BRAF: variants seen among roughly 807,000 people sequenced by gnomAD.
The protein encoded by BRAF is B-Raf proto-oncogene, serine/threonine kinase.
Under a neutral mutation model 104.6 loss-of-function variants are expected in BRAF, and 16 were observed. The observed-to-expected ratio is 0.15, with a 90% CI of 0.10 to 0.23. BRAF has a LOEUF of 0.23. BRAF is among the 10% of genes least tolerant of loss of function. The pLI is 1.00. For missense variants in BRAF, 541 were observed against 937.3 expected, an observed-to-expected ratio of 0.58 and a Z score of 5.52; for synonymous variants, 310 against 341.6, an observed-to-expected ratio of 0.91 and a Z score of 1.02.
At chr7:140,845,171 A>C (rs771841915) in intron 2 of BRAF, among the ~76,000 whole-genome samples, 8 of 152,212 alleles carry the variant, frequency 5.3e-5, no homozygotes, top group Non-Finnish European at 1.5e-5. Flanking sequence ...TCCACAAATG[A>C]TGCTGAGAAA....
chr7:140,815,823 T>G (rs1235366685), intron 3 of BRAF, among the ~76,000 whole-genome samples: 2 of 152,166 alleles, frequency 1.3e-5, no homozygotes, highest in Non-Finnish European at 2.9e-5. Context: ...AGGATGTCTA[T>G]ACCACAAAAA....
rs753210372 is a variant in BRAF, at chr7:140,730,040, CAATAA to C, written c.2402-3529_2402-3525del. On this transcript the variant is annotated intron_variant, in intron 19 of 19. Transcript: ENST00000644969. Reference sequence around the variant, plus strand: ...ATAAAAGAATCCATAGTTCAGGAATCAATAAAATAAGACTCTTAAAATGTCCCTAA... The same window carrying C: ...ATAAAAGAATCCATAGTTCAGGAATCAATAAGACTCTTAAAATGTCCCTAA... Among the ~76,000 whole-genome samples, 32 of 152,090 alleles carry C rather than the reference CAATAA, an allele frequency of 2.1e-4. 1 individual carries two copies. The East Asian group carries it at 3.1e-3, about 15-fold the overall frequency.
intron 3 of BRAF, among the ~76,000 whole-genome samples, chr7:140,820,776 C>CA (rs1194758477): frequency 2.6e-5 from 4 of 152,056 alleles, no homozygotes; most frequent in African/African-American, 7.2e-5. Context: ...CCTACCTCTA[C>CA]AAAAAAATTT....
rs139008483 is a variant in BRAF at position 140,848,191 on chromosome 7, G to C, written c.240+1920C>G. Among the ~76,000 whole-genome samples the C allele has an allele frequency of 2.6e-5, 4 of 152,282 alleles. No homozygotes were observed. In the East Asian group the frequency reaches 5.8e-4, roughly 22 times the overall value. ...TAGCCCAAATAAGAAAAGCTGTCTGGGGGGTGAGGGTGGGGAAAGAGCGAG... is the reference window on the plus strand; with the variant it reads ...TAGCCCAAATAAGAAAAGCTGTCTGCGGGGTGAGGGTGGGGAAAGAGCGAG... On this transcript the variant is annotated intron_variant, in intron 2 of 19. Transcript: ENST00000644969.
At chr7:140,793,425 T>C (rs148592841) in intron 8 of BRAF, among the ~76,000 whole-genome samples, 1,599 of 152,156 alleles carry the variant, frequency 0.011, 31 homozygotes, top group African/African-American at 0.036. Flanking sequence ...CCAATAAAAA[T>C]AGAGAAAATT....
intron 14 of BRAF, among the ~76,000 whole-genome samples, chr7:140,762,636 T>C (rs1309051951): frequency 6.7e-6 from 1 of 149,306 alleles, no homozygotes; most frequent in Non-Finnish European, 1.5e-5. Context: ...AATTGATCAT[T>C]CTTGGGTGTT....
At chr7:140,718,850 TA>T (rs886871461), downstream of BRAF, among the ~76,000 whole-genome samples, 4 of 151,512 alleles carry the variant, frequency 2.6e-5, no homozygotes, top group South Asian at 2.1e-4. Flanking sequence ...GTAACCAGCA[TA>T]AAAAAAAATG....
intron 6 of BRAF, chr7:140,801,093 C>A: frequency 7.8e-6 from 2 of 256,668 alleles, no homozygotes; most frequent in East Asian, 9.3e-5. Flanking sequence ...GGTACAAAAT[C>A]ATAATGCTTA....
intron 8 of BRAF, among the ~76,000 whole-genome samples, chr7:140,792,239 T>C (rs1267636): frequency 0.11 from 17,014 of 152,190 alleles, 1,155 homozygotes; most frequent in African/African-American, 0.19. Flanking sequence ...AACCACATTA[T>C]TGACAGTCCT....
chr7:140,838,064 C>G (rs1364109101), intron 2 of BRAF, among the ~76,000 whole-genome samples: 1 of 152,162 alleles, frequency 6.6e-6, no homozygotes, highest in African/African-American at 2.4e-5. Context: ...TCAACCACAA[C>G]CACCACCACC....
chr7:140,801,911 C>A (rs1197639924), intron 5 of BRAF, among the ~76,000 whole-genome samples: 1 of 151,970 alleles, frequency 6.6e-6, no homozygotes, highest in Non-Finnish European at 1.5e-5. Context: ...AATTATCATA[C>A]AAAGAAGGGA....
intron 4 of BRAF, 73 bp downstream of exon 4, chr7:140,808,819 T>G: frequency 2.4e-6 from 3 of 1,241,356 alleles, no homozygotes; most frequent in Non-Finnish European, 2.4e-6. Flanking sequence ...TTGGTAAAGA[T>G]CCTAAGAAAA....
intron 1 of BRAF, among the ~76,000 whole-genome samples, chr7:140,880,555 G>A (rs1812782558): frequency 6.6e-6 from 1 of 152,122 alleles, no homozygotes; most frequent in Admixed American, 6.5e-5. Context: ...CATCTAGAAA[G>A]GTGAATAATT....
At chr7:140,882,359 TTATCAAAG>T (rs1813015540) in intron 1 of BRAF, among the ~76,000 whole-genome samples, 4 of 151,854 alleles carry the variant, frequency 2.6e-5, no homozygotes, top group Non-Finnish European at 4.4e-5. Context: ...TATTATTTCT[TTATCAAAG>T]TATCTTTTTT....
chr7:140,916,729 G>C (rs1288790198), intron 1 of BRAF, among the ~76,000 whole-genome samples: 1 of 152,022 alleles, frequency 6.6e-6, no homozygotes, highest in Non-Finnish European at 1.5e-5. Context: ...ATTCAAGACA[G>C]AGATATATTA....
chr7:140,816,653 T>G (rs1804913468), intron 3 of BRAF, among the ~76,000 whole-genome samples: 1 of 152,148 alleles, frequency 6.6e-6, no homozygotes, highest in African/African-American at 2.4e-5. Context: ...CCCCAGGGTA[T>G]GTAAACCCAA....
chr7:140,879,268 GCCT>G (rs1812604092), intron 1 of BRAF, among the ~76,000 whole-genome samples: 1 of 151,500 alleles, frequency 6.6e-6, no homozygotes, highest in Non-Finnish European at 1.5e-5. Context: ...TGCAACCTCT[GCCT>G]CCCGGGTTCA....
intron 1 of BRAF, among the ~76,000 whole-genome samples, chr7:140,887,869 A>G (rs1586552481): frequency 6.7e-6 from 1 of 149,270 alleles, no homozygotes; most frequent in South Asian, 2.1e-4. Flanking sequence ...GCATGCCACC[A>G]TGCTCGTTTA....
At chr7:140,714,230 C>G in the BRAF span, among the ~76,000 whole-genome samples, 1 of 152,204 alleles carries the variant, frequency 6.6e-6, no homozygotes, top group African/African-American at 2.4e-5. Context: ...CTCCTCCCCA[C>G]AAGGCATACT....
Sources: gnomAD v4.1 joint callset for allele counts (sites outside exome capture counted in the v4.1 genomes callset) on GRCh38, gnomAD v4.1.1 for gene constraint, MANE v1.5 for transcripts, NCBI Gene and HGNC (gene_info 2026-07-23, HGNC 2026-07-21) for gene names.